FKBP6: variants seen among roughly 807,000 people sequenced by gnomAD.
FKBP6 encodes inactive peptidyl-prolyl cis-trans isomerase FKBP6.
Under a neutral mutation model 41.7 loss-of-function variants are expected in FKBP6, and 29 were observed. That is an observed-to-expected ratio of 0.70 (90% CI 0.52 to 0.95). The LOEUF is 0.95. Among genes scored for constraint, FKBP6 ranks in the 40% least tolerant of loss-of-function variants. The pLI is 0.00. For missense variants in FKBP6, 338 were observed against 408.7 expected (o/e 0.83, Z 1.49); for synonymous variants, 130 against 165.1 (o/e 0.79, Z 1.63).
intron 5 of FKBP6, chr7:73,336,913 T>C: frequency 2.6e-6 from 1 of 379,216 alleles, no homozygotes; most frequent in South Asian, 1.8e-5. Context: ...TGAAGTTGTA[T>C]ATATAAGAGA....
In FKBP6 at chr7:73,340,756, C is replaced by T. The variant is rs913479438; in HGVS notation, c.707C>T (p.Thr236Ile). 1 of 1,613,998 alleles carries T rather than the reference C, an allele frequency of 6.2e-7. No homozygotes were observed. Among genetic ancestry groups the T allele is most frequent in the Non-Finnish European group, 8.5e-7 (1 of 1,179,982 alleles). The change falls in exon 6 of 9, where the codon ACC (threonine) becomes ATC (isoleucine). Residue 236 changes from threonine (T) to isoleucine (I), a missense_variant. Transcript: ENST00000252037. ...SFTYLKLDRP[T>I]IALCYGEQAL... The stretch of plus-strand genomic sequence containing the variant: ...ACATACCTGAAGCTAGACCGACCCA[C>T]CATAGCCCTGTGCTATGGAGAGCAG...
At position 73,329,393 on chromosome 7, in the gene FKBP6, G is replaced by C; in HGVS notation, c.209G>C (p.Arg70Thr). The change falls in exon 3 of 9, where the codon AGA becomes ACA. Residue 70 changes from arginine to threonine, a missense_variant. This residue lies in a region of FKBP6 where 99 missense variants were observed against 158.6 expected (regional missense o/e 0.62). Transcript: ENST00000252037. ...KYSGYLEHMD[R>T]PFDSNYFRKT... is the part of the protein sequence containing the mutation. ...TCGGGATACCTGGAACACATGGACA[G>C]ACCCTTCGATTCTAATTACTTTAGG... is the stretch of plus-strand genomic sequence containing the variant. 1 of 1,610,466 alleles carries C rather than the reference G, an allele frequency of 6.2e-7. No homozygotes were observed. Among genetic ancestry groups the C allele is most frequent in the East Asian group, 2.2e-5 (1 of 44,874 alleles).
At chr7:73,338,101 C>T (rs1805063904) in intron 5 of FKBP6, among the ~76,000 whole-genome samples, 1 of 152,180 alleles carries the variant, frequency 6.6e-6, no homozygotes, top group Admixed American at 6.5e-5. Flanking sequence ...TCTCGGCTCA[C>T]TGCAACCTCT....
chr7:73,342,919 G>A lies in FKBP6; in HGVS notation c.*2+20G>A, dbSNP rs1277718197. ...TTGAAGGTAATCAAAGGGCCAGGGT[G>A]GCACACAGGCTTCCGGATGGAGAAG... On this transcript the variant is annotated intron_variant, in intron 8 of 8. Coordinates refer to ENST00000252037, the MANE Select transcript of FKBP6 (RefSeq NM_003602.5). 3 of 1,539,028 alleles carry A rather than the reference G, an allele frequency of 1.9e-6. No individual in the cohort carries two copies.
intron 5 of FKBP6, among the ~76,000 whole-genome samples, chr7:73,335,102 T>C (rs1471709159): frequency 1.4e-5 from 2 of 140,652 alleles, no homozygotes; most frequent in African/African-American, 5.4e-5. Flanking sequence ...GCCTAGCAAA[T>C]ATCTAAATTC....
intron 6 of FKBP6, among the ~76,000 whole-genome samples, 153 bp downstream of exon 6, chr7:73,340,985 G>A (rs1025515657): frequency 7.5e-5 from 11 of 147,112 alleles, no homozygotes; most frequent in East Asian, 2.0e-4. Context: ...GTGCAGTGGC[G>A]CAAATTCGGC....
Position 73,342,868 on chromosome 7 carries a change from G to C in FKBP6, c.955G>C (p.Gly319Arg). ...GTGGCACCGCATGTTCGCGCCCTGTGGCGATGGTTCTACAGCAGGAGAAAG... is the reference window on the plus strand; with the variant it reads ...GTGGCACCGCATGTTCGCGCCCTGTCGCGATGGTTCTACAGCAGGAGAAAG... ...EMWHRMFAPCGDGSTAGES is the reference protein window; with the variant it reads ...EMWHRMFAPCRDGSTAGES Residue 319 changes from glycine to arginine, a missense_variant, in exon 8 of 9, where the codon GGC becomes CGC. Around this residue, in one of 2 missense-constraint regions of FKBP6, gnomAD observed 239 missense variants for 250.1 expected, o/e 0.96. Transcript: ENST00000252037. 6.2e-7 allele frequency: 1 copy of C among 1,613,972 alleles called. No homozygotes were observed. The highest frequency in any genetic ancestry group is 8.5e-7 in the Non-Finnish European group (1 of 1,179,788).
intron 8 of FKBP6, among the ~76,000 whole-genome samples, chr7:73,347,720 C>T (rs533765545): frequency 6.6e-6 from 1 of 152,362 alleles, no homozygotes; most frequent in South Asian, 2.1e-4. Flanking sequence ...TCATAGCTCA[C>T]TGCAGCCTCA....
chr7:73,333,777 T>TA, intron 5 of FKBP6, among the ~76,000 whole-genome samples: 1 of 152,324 alleles, frequency 6.6e-6, no homozygotes, highest in East Asian at 1.9e-4. Context: ...GAGTTGTTAT[T>TA]AAAAAGTCTT....
intron 7 of FKBP6, 130 bp from the exon 8 acceptor site, chr7:73,342,677 T>A: frequency 5.2e-6 from 4 of 766,490 alleles, no homozygotes; most frequent in Non-Finnish European, 9.5e-6. Flanking sequence ...CTTACTTCCA[T>A]CCCTCCCAAC....
Position 73,331,736 on chromosome 7 carries a change from G to A in FKBP6, c.548G>A (p.Arg183His), listed in dbSNP as rs376031664. The A allele has an allele frequency of 2.2e-5, 36 of 1,613,826 alleles. No homozygotes were observed. Among genetic ancestry groups the A allele is most frequent in the Middle Eastern group, 1.6e-4 (1 of 6,062 alleles). Residue 183 changes from arginine to histidine, a missense_variant, in exon 5 of 9, where the codon CGC (arginine) becomes CAC (histidine). Physicochemically the swap from Arg to His is conservative, Grantham distance 29 (BLOSUM62 0). Transcript: ENST00000252037. ...TEREFGNYLF[R>H]QNRFYDAKVR... ...CGGGAGTTTGGCAACTACCTTTTCC[G>A]CCAGAATCGTTTCTATGATGCCAAA...
At chr7:73,340,116 C>CA (rs1165822286) in intron 5 of FKBP6, among the ~76,000 whole-genome samples, 4 of 152,140 alleles carry the variant, frequency 2.6e-5, no homozygotes, top group Admixed American at 6.6e-5. Context: ...TTTCAGTGTG[C>CA]AAGTCTTTCA....
Position 73,340,621 on chromosome 7 carries a change from G to A in FKBP6, c.589-17G>A, listed in dbSNP as rs1805144619. ...AGACTGTTACTCCTCTTGACCATCT[G>A]CCTTCCCTCTCCACAGGCCCTATTG... On this transcript the variant is annotated splice_polypyrimidine_tract_variant and intron_variant, in intron 5 of 8. Coordinates refer to ENST00000252037, the MANE Select transcript of FKBP6 (RefSeq NM_003602.5). The A allele has an allele frequency of 6.2e-7, 1 of 1,609,540 alleles. No homozygotes were observed. The highest frequency in any genetic ancestry group is 8.5e-7 in the Non-Finnish European group (1 of 1,177,092).
chr7:73,331,296 T>G (rs1389359328), intron 4 of FKBP6, among the ~76,000 whole-genome samples: 4 of 152,150 alleles, frequency 2.6e-5, no homozygotes, highest in African/African-American at 9.7e-5. Flanking sequence ...GTTCCGTCAG[T>G]TTTTGATTCC....
At position 73,337,127 on chromosome 7, in the gene FKBP6, G is replaced by A. The variant is rs554017639; in HGVS notation, c.589-3511G>A. The A allele has an allele frequency of 6.5e-5, 18 of 275,500 alleles. No homozygotes were observed. The East Asian group carries it at 1.2e-3, about 18-fold the overall frequency. 17.1% of individuals were successfully genotyped at this position (275,500 alleles called of 1,614,324 possible). ...TTGGGTATGAGAGCAGGGTTCAGGC[G>A]TGAGGTTCCAGCTGGTGATGTGAAT... On this transcript the variant is annotated intron_variant, in intron 5 of 8. Coordinates refer to ENST00000252037, the MANE Select transcript of FKBP6 (RefSeq NM_003602.5).
intron 8 of FKBP6, among the ~76,000 whole-genome samples, chr7:73,356,263 G>A (rs1215515922): frequency 1.3e-5 from 2 of 152,144 alleles, no homozygotes; most frequent in Non-Finnish European, 2.9e-5. Context: ...TTTTCACAGT[G>A]ATTAGTAGGC....
chr7:73,340,894 C>A, intron 6 of FKBP6, 62 bp downstream of exon 6: 20 of 920,070 alleles, frequency 2.2e-5, no homozygotes, highest in Non-Finnish European at 3.2e-5. Context: ...CAGTGCTCAA[C>A]TCAGCTACTG....
chr7:73,338,029 TTTG>T (rs1805060777), intron 5 of FKBP6, among the ~76,000 whole-genome samples: 1 of 152,204 alleles, frequency 6.6e-6, no homozygotes, highest in Admixed American at 6.5e-5. Flanking sequence ...TCATTCTTTT[TTTG>T]TTTTTTGTTT....
At chr7:73,329,215 G>C in intron 2 of FKBP6, 145 bp from the exon 3 acceptor site, 2 of 755,194 alleles carry the variant, frequency 2.6e-6, no homozygotes, top group South Asian at 1.4e-5. Flanking sequence ...AAAATGCAGA[G>C]AGAAGATTTA....
Sources: gnomAD v4.1 joint callset for allele counts (sites outside exome capture counted in the v4.1 genomes callset) on GRCh38, gnomAD v4.1.1 for gene constraint, gnomAD v4.1.1 regional missense constraint, MANE v1.5 for transcripts, NCBI Gene and HGNC (gene_info 2026-07-23, HGNC 2026-07-21) for gene names.